The following RP1 variants were observed in gnomAD, a reference collection of about 807,000 sequenced individuals.
The protein encoded by RP1 is RP1 axonemal microtubule associated.
Under a neutral mutation model 14.8 loss-of-function variants are expected in RP1, and 16 were observed. That is an observed-to-expected ratio of 1.08 (90% confidence interval 0.73 to 1.65). RP1 has a LOEUF of 1.65. Among genes scored for constraint, RP1 ranks in the 40% most tolerant of loss-of-function variants. The probability of loss-of-function intolerance (pLI) is 0.00; values close to 1 mark genes in which losing one functional copy is unlikely to be tolerated. For synonymous variants in RP1, 876 were observed against 883.6 expected, an observed-to-expected ratio of 0.99 and a Z score of 0.15; for missense variants, 2,631 against 2,535.0, an observed-to-expected ratio of 1.04 and a Z score of -0.81.
chr8:54,861,555 T>C (rs1235469401), intron 27 of RP1, among the ~76,000 whole-genome samples: 1 of 152,248 alleles, frequency 6.6e-6, no homozygotes, highest in African/African-American at 2.4e-5. Flanking sequence ...TTGTGTTGTT[T>C]CCAGTTTGAC....
At chr8:54,607,617 A>G (rs2091938) in intron 1 of RP1, among the ~76,000 whole-genome samples, 68,192 of 151,962 alleles carry the variant, frequency 0.45, 17,015 homozygotes, top group African/African-American at 0.65. Context: ...GCTGCCTTTT[A>G]TTTGGCTATG....
intron 23 of RP1, among the ~76,000 whole-genome samples, chr8:54,782,008 G>C (rs530777826): frequency 6.6e-6 from 1 of 152,226 alleles, no homozygotes; most frequent in East Asian, 1.9e-4. Context: ...GGCCCAGATG[G>C]CCGGGGAAGG....
intron 6 of RP1, among the ~76,000 whole-genome samples, chr8:54,660,904 T>A (rs1433058191): frequency 6.6e-6 from 1 of 152,056 alleles, no homozygotes; most frequent in Non-Finnish European, 1.5e-5. Flanking sequence ...CTGATTAGAA[T>A]AGCACAAAGG....
At chr8:54,784,395 C>T (rs1282072782) in intron 24 of RP1, among the ~76,000 whole-genome samples, 1 of 152,066 alleles carries the variant, frequency 6.6e-6, no homozygotes, top group Non-Finnish European at 1.5e-5. Flanking sequence ...ATTACATAGT[C>T]TTCTAACTTA....
chr8:54,595,324 T>C (rs1350369847), intron 1 of RP1, among the ~76,000 whole-genome samples: 1 of 152,092 alleles, frequency 6.6e-6, no homozygotes, highest in Admixed American at 6.5e-5. Context: ...AGAGACAGGG[T>C]TTCACTCTGT....
chr8:54,581,286 G>C (rs1804786716), intron 1 of RP1, among the ~76,000 whole-genome samples: 1 of 152,000 alleles, frequency 6.6e-6, no homozygotes, highest in South Asian at 2.1e-4. Context: ...ATAGTTTGCT[G>C]AGAATGATGG....
At chr8:54,610,220 C>T (rs1041633011) in intron 1 of RP1, among the ~76,000 whole-genome samples, 1 of 152,190 alleles carries the variant, frequency 6.6e-6, no homozygotes, top group Non-Finnish European at 1.5e-5. Flanking sequence ...TCACTACCTC[C>T]TTTTGAAACA....
At chr8:54,656,495 T>C (rs1414059999) in intron 6 of RP1, among the ~76,000 whole-genome samples, 8 of 152,028 alleles carry the variant, frequency 5.3e-5, no homozygotes, top group South Asian at 2.1e-4. Context: ...CATGAGAAAA[T>C]TGAATGTCAA....
rs186585818 is a variant in RP1 at position 54,591,113 on chromosome 8, G to A, written c.-12-29842G>A. Among the ~76,000 whole-genome samples, 45 of 152,248 alleles carry A rather than the reference G, an allele frequency of 3.0e-4. 1 individual carries two copies. Among genetic ancestry groups the A allele is most frequent in the Admixed American group, 2.2e-3 (33 of 15,292 alleles). On this transcript the variant is annotated intron_variant, in intron 1 of 22. Coordinates refer to the RP1 transcript ENST00000636932. ...ATAAGTTTTCATCCCAACTAGCAGA[G>A]CAGCAAGGCTCCTACCTCTACTCCT... is the stretch of plus-strand genomic sequence containing the variant.
chr8:54,713,004 T>G (rs1808326274), intron 15 of RP1, among the ~76,000 whole-genome samples: 2 of 152,092 alleles, frequency 1.3e-5, no homozygotes, highest in African/African-American at 4.8e-5. Context: ...CAAAGGTAAA[T>G]GGTAATGCAT....
chr8:54,584,343 T>A (rs913958198), intron 1 of RP1, among the ~76,000 whole-genome samples: 1 of 152,266 alleles, frequency 6.6e-6, no homozygotes, highest in African/African-American at 2.4e-5. Flanking sequence ...AGTTCTAGTT[T>A]GATTGCACTG....
chr8:54,633,729 C>CTA (rs1286698033), downstream of RP1, among the ~76,000 whole-genome samples: 35 of 136,624 alleles, frequency 2.6e-4, no homozygotes, highest in South Asian at 2.8e-3. Context: ...CTCTCTCTCT[C>CTA]TCTCTCTCTA....
At chr8:54,848,679 A>G (rs186691763) in intron 25 of RP1, among the ~76,000 whole-genome samples, 2 of 152,324 alleles carry the variant, frequency 1.3e-5, no homozygotes, top group African/African-American at 4.8e-5. Flanking sequence ...CTTATAATGA[A>G]CATATTTAAA....
intron 24 of RP1, among the ~76,000 whole-genome samples, chr8:54,812,758 CTATCATCT>C (rs1405873799): frequency 1.4e-5 from 2 of 145,804 alleles, no homozygotes; most frequent in Non-Finnish European, 3.0e-5. Flanking sequence ...ATGTATCTAT[CTATCATCT>C]ATCTATCTAT....
chr8:54,591,035 C>G (rs1474408372), intron 1 of RP1, among the ~76,000 whole-genome samples: 1 of 152,082 alleles, frequency 6.6e-6, no homozygotes, highest in Non-Finnish European at 1.5e-5. Context: ...GAATATAACC[C>G]AACCAATCCA....
intron 23 of RP1, among the ~76,000 whole-genome samples, chr8:54,780,061 A>T (rs1319009999): frequency 6.6e-6 from 1 of 152,230 alleles, no homozygotes; most frequent in African/African-American, 2.4e-5. Context: ...AATTGCAGAC[A>T]TCTGAAGAGA....
intron 6 of RP1, among the ~76,000 whole-genome samples, chr8:54,656,715 A>G (rs1190224630): frequency 6.6e-6 from 1 of 151,294 alleles, no homozygotes; most frequent in Non-Finnish European, 1.5e-5. Flanking sequence ...AGGATTAGGT[A>G]GTCACTGCTC....
At chr8:54,766,580 T>G (rs1487380946) in intron 22 of RP1, among the ~76,000 whole-genome samples, 1 of 152,178 alleles carries the variant, frequency 6.6e-6, no homozygotes, top group Non-Finnish European at 1.5e-5. Flanking sequence ...TCTTCAAATA[T>G]TTCTTCTGCC....
At chr8:54,671,941 TCA>T (rs751058828) in intron 7 of RP1, among the ~76,000 whole-genome samples, 36 of 152,166 alleles carry the variant, frequency 2.4e-4, no homozygotes, top group Non-Finnish European at 4.1e-4. Flanking sequence ...CAACCATACC[TCA>T]CAGTCATTAT....
Sources: gnomAD v4.1 joint callset for allele counts (sites outside exome capture counted in the v4.1 genomes callset) on GRCh38, gnomAD v4.1.1 for gene constraint, MANE v1.5 for transcripts, NCBI Gene and HGNC (gene_info 2026-07-23, HGNC 2026-07-21) for gene names.